The following ENPP3 variants were observed in gnomAD, a reference collection of about 807,000 sequenced individuals.
The protein encoded by ENPP3 is ectonucleotide pyrophosphatase/phosphodiesterase 3.
A neutral mutation model predicts 117.8 loss-of-function variants in ENPP3; 104 were observed. That is an observed-to-expected ratio of 0.88 (90% confidence interval 0.75 to 1.04). The LOEUF (loss-of-function observed/expected upper bound fraction) is 1.04, where lower values mean the gene tolerates loss of function less well. Among genes scored for constraint, ENPP3 ranks in the 50% least tolerant of loss-of-function variants. ENPP3 has a pLI of 0.00. For synonymous variants in ENPP3, 380 were observed against 349.9 expected, an observed-to-expected ratio of 1.09 and a Z score of -0.96; for missense variants, 1,026 against 1,051.9, an observed-to-expected ratio of 0.98 and a Z score of 0.34.
intron 1 of ENPP3, 122 bp from the exon 2 acceptor site, chr6:131,641,333 C>G: frequency 1.9e-6 from 1 of 524,456 alleles, no homozygotes; most frequent in Non-Finnish European, 3.5e-6. Context: ...ATTGTTGGAT[C>G]TGGTATCTGG....
At chr6:131,653,394 C>T (rs1039679108) in intron 5 of ENPP3, among the ~76,000 whole-genome samples, 19 of 149,834 alleles carry the variant, frequency 1.3e-4, no homozygotes, top group Non-Finnish European at 2.2e-4. Flanking sequence ...GTTATCTACT[C>T]GCCTTGGCCT....
chr6:131,670,171 T>A (rs7744355), intron 6 of ENPP3, among the ~76,000 whole-genome samples: 12,878 of 152,232 alleles, frequency 0.085, 1,267 homozygotes, highest in African/African-American at 0.24. Context: ...GTACTAAAAG[T>A]AAGAAGCAGT....
At chr6:131,739,571 G>A (rs1780478922) in intron 23 of ENPP3, among the ~76,000 whole-genome samples, 3 of 150,836 alleles carry the variant, frequency 2.0e-5, no homozygotes, top group African/African-American at 7.3e-5. Flanking sequence ...AGGAAATGCA[G>A]GAGGCAGAAT....
At position 131,652,622 on chromosome 6, in the gene ENPP3, T is replaced by A; in HGVS notation, c.358T>A (p.Leu120Met). The A allele has an allele frequency of 6.2e-7, 1 of 1,614,078 alleles. No homozygotes were observed. The highest frequency in any genetic ancestry group is 8.5e-7 in the Non-Finnish European group (1 of 1,179,956). The change falls in exon 4 of 25, where the codon TTG becomes ATG. Residue 120 changes from leucine (L) to methionine (M), a missense_variant. Leu to Met is a conservative substitution (Grantham distance 15). Coordinates refer to ENST00000357639, the MANE Select transcript of ENPP3 (RefSeq NM_005021.5). ...ASLCSCSDDC[L>M]QRKDCCADYK... ...CCTTTGCTCTTGTTCAGATGACTGTTTGCAGAGGAAAGATTGCTGTGCTGA... is the reference window on the plus strand; with the variant it reads ...CCTTTGCTCTTGTTCAGATGACTGTATGCAGAGGAAAGATTGCTGTGCTGA...
intron 6 of ENPP3, among the ~76,000 whole-genome samples, chr6:131,670,111 T>C (rs1182295471): frequency 1.3e-5 from 2 of 152,228 alleles, no homozygotes; most frequent in Non-Finnish European, 2.9e-5. Flanking sequence ...ATTGCTGTCA[T>C]ACTTTGTGAA....
chr6:131,673,235 G>T (rs1778785005), intron 7 of ENPP3, among the ~76,000 whole-genome samples: 1 of 151,976 alleles, frequency 6.6e-6, no homozygotes, highest in Non-Finnish European at 1.5e-5. Context: ...CATATGTGTG[G>T]GTTCTGAATC....
intron 13 of ENPP3, 60 bp from the exon 14 acceptor site, chr6:131,685,816 T>A (rs1317706314): frequency 1.4e-6 from 1 of 726,852 alleles, no homozygotes; most frequent in Non-Finnish European, 2.5e-6. Context: ...GTGGTTCACA[T>A]TCTTTGCATT....
At chr6:131,733,464 CCTGATTCA>C (rs1780328574) in intron 20 of ENPP3, 116 bp from the exon 21 acceptor site, 1 of 1,030,306 alleles carries the variant, frequency 9.7e-7, no homozygotes. Context: ...CTTGCGTAGA[CCTGATTCA>C]CTAAGAAAAT....
intron 9 of ENPP3, 79 bp from the exon 10 acceptor site, chr6:131,676,657 A>C (rs1778874427): frequency 1.0e-6 from 1 of 958,026 alleles, no homozygotes; most frequent in South Asian, 1.3e-5. Flanking sequence ...GAAGATATTA[A>C]ACTTTCTGAA....
Position 131,652,864 on chromosome 6 carries a change from C to T in ENPP3, c.437C>T (p.Thr146Ile), listed in dbSNP as rs1180896147. 6.2e-7 allele frequency: 1 copy of T among 1,613,272 alleles called. No individual in the cohort carries two copies. Among genetic ancestry groups the T allele is most frequent in the Non-Finnish European group, 8.5e-7 (1 of 1,179,260 alleles). The change falls in exon 5 of 25, where the codon ACA (threonine) becomes ATA (isoleucine). Residue 146 changes from threonine (T) to isoleucine (I), a missense_variant. Thr to Ile is a moderately conservative substitution (Grantham distance 89). Coordinates refer to ENST00000357639, the MANE Select transcript of ENPP3 (RefSeq NM_005021.5). ...ETSWLEENCD[T>I]AQQSQCPEGF... The stretch of plus-strand genomic sequence containing the variant: ...TCATGGCTGGAAGAAAACTGTGACA[C>T]AGCCCAGCAGTCTCAGTGCCCAGAA...
intron 18 of ENPP3, among the ~76,000 whole-genome samples, chr6:131,722,826 T>A (rs1397835460): frequency 2.6e-5 from 4 of 152,086 alleles, no homozygotes; most frequent in Non-Finnish European, 5.9e-5. Flanking sequence ...CCCACTAGGG[T>A]AGGTGCTGCG....
intron 11 of ENPP3, among the ~76,000 whole-genome samples, chr6:131,678,854 G>A (rs566731414): frequency 3.3e-5 from 5 of 152,168 alleles, no homozygotes; most frequent in Non-Finnish European, 4.4e-5. Context: ...TACTCTAAGC[G>A]TGAACTATCT....
intron 20 of ENPP3, 55 bp downstream of exon 20, chr6:131,726,255 A>G: frequency 6.6e-7 from 1 of 1,512,546 alleles, no homozygotes; most frequent in Non-Finnish European, 9.1e-7. Context: ...TAATCCTTTC[A>G]TATTCTAAGA....
chr6:131,696,146 C>T (rs3800195), intron 15 of ENPP3, among the ~76,000 whole-genome samples: 35,415 of 152,024 alleles, frequency 0.23, 5,965 homozygotes, highest in African/African-American at 0.46. Flanking sequence ...TGTGTTAGAT[C>T]TTACTAATTT....
In ENPP3 at chr6:131,649,273, C is replaced by T. The variant is rs559727523; in HGVS notation, c.155-754C>T. ...TCTAAAACACAGATCTAGTTCATTA[C>T]TCTCTGCTTACTCTTTAATGGCTTC... On this transcript the variant is annotated intron_variant, in intron 2 of 24. Transcript: ENST00000357639. Among the ~76,000 whole-genome samples the T allele has an allele frequency of 1.9e-4, 29 of 152,210 alleles. No homozygotes were observed. The East Asian group carries it at 3.9e-3, about 20-fold the overall frequency.
chr6:131,689,417 C>T (rs941163778), intron 14 of ENPP3, among the ~76,000 whole-genome samples: 1 of 152,156 alleles, frequency 6.6e-6, no homozygotes, highest in Non-Finnish European at 1.5e-5. Context: ...GAATTATGCT[C>T]AATCTACTCT....
rs186734779 is a variant in ENPP3, at chr6:131,693,580, C to T, written c.1368C>T (p.Ile456=). 36 of 1,613,870 alleles carry T rather than the reference C, an allele frequency of 2.2e-5. No homozygotes were observed. Among genetic ancestry groups the T allele is most frequent in the African/African-American group, 2.0e-4 (15 of 75,040 alleles). The change falls in exon 15 of 25, where the codon ATC becomes ATT. Residue 456 remains isoleucine (I), a synonymous_variant. Coordinates refer to ENST00000357639, the MANE Select transcript of ENPP3 (RefSeq NM_005021.5). ...KRLHYAKNVR[I]DKVHLFVDQQ... is the part of the protein sequence containing the mutation. ...TGCACTATGCCAAGAACGTCAGAAT[C>T]GACAAAGTTCATCTCTTTGTGGATC...
At chr6:131,675,673 A>G (rs559364780) in intron 9 of ENPP3, among the ~76,000 whole-genome samples, 119 of 152,118 alleles carry the variant, frequency 7.8e-4, no homozygotes, top group African/African-American at 2.6e-3. Context: ...ACCAGAAGAA[A>G]AAATACAAAA....
intron 7 of ENPP3, among the ~76,000 whole-genome samples, chr6:131,672,744 A>G (rs1396418451): frequency 6.6e-6 from 1 of 151,388 alleles, no homozygotes; most frequent in East Asian, 1.9e-4. Context: ...TTAATTTACT[A>G]TTTATATATT....
Sources: gnomAD v4.1 joint callset for allele counts (sites outside exome capture counted in the v4.1 genomes callset) on GRCh38, gnomAD v4.1.1 for gene constraint, MANE v1.5 for transcripts, NCBI Gene and HGNC (gene_info 2026-07-23, HGNC 2026-07-21) for gene names.